RCOR1: variants seen among roughly 807,000 people sequenced by gnomAD.
RCOR1 encodes REST corepressor 1, also known as REST corepressor.
RCOR1 carries 12 observed loss-of-function variants against 64.0 expected under a neutral mutation model. That is an observed-to-expected ratio of 0.19 (90% CI 0.12 to 0.30). RCOR1 has a LOEUF of 0.30. Among genes scored for constraint, RCOR1 ranks in the 10% least tolerant of loss-of-function variants. RCOR1 has a pLI of 1.00. For missense variants in RCOR1, 502 were observed against 621.2 expected, an observed-to-expected ratio of 0.81 and a Z score of 2.04; for synonymous variants, 279 against 227.2, an observed-to-expected ratio of 1.23 and a Z score of -2.05.
chr14:102,600,407 T>G (rs114028600), intron 2 of RCOR1, among the ~76,000 whole-genome samples: 18,105 of 151,452 alleles, frequency 0.12, 1,260 homozygotes, highest in African/African-American at 0.18. Flanking sequence ...GTTTTATTTT[T>G]TATTGTATTT....
At chr14:102,708,643 A>T (rs1202869968) in intron 6 of RCOR1, 60 bp downstream of exon 6, 1 of 910,702 alleles carries the variant, frequency 1.1e-6, no homozygotes, top group Non-Finnish European at 1.8e-6. Flanking sequence ...AGCCCCAGAT[A>T]CACAAAGGCA....
intron 2 of RCOR1, chr14:102,655,348 G>A (rs530009120): frequency 1.0e-6 from 1 of 985,234 alleles, no homozygotes; most frequent in African/African-American, 1.7e-5. Context: ...ACTTTAGAAT[G>A]GCAGGAAGCT....
intron 2 of RCOR1, among the ~76,000 whole-genome samples, chr14:102,613,810 C>T (rs1363707191): frequency 6.6e-6 from 1 of 151,288 alleles, no homozygotes; most frequent in Admixed American, 6.6e-5. Context: ...TCTACCTTGG[C>T]CTCACAAAGT....
At chr14:102,662,889 A>C (rs1370947178) in intron 2 of RCOR1, among the ~76,000 whole-genome samples, 1 of 152,176 alleles carries the variant, frequency 6.6e-6, no homozygotes, top group Non-Finnish European at 1.5e-5. Context: ...CTTTTGGGAT[A>C]AATTGCTAGA....
intron 2 of RCOR1, among the ~76,000 whole-genome samples, chr14:102,654,714 GA>G (rs576453147): frequency 1.4e-5 from 2 of 141,350 alleles, no homozygotes; most frequent in Non-Finnish European, 3.1e-5. Context: ...AGAAAATAAA[GA>G]AAAAAATTTT....
chr14:102,660,455 C>A (rs189374653), intron 2 of RCOR1, among the ~76,000 whole-genome samples: 85 of 151,826 alleles, frequency 5.6e-4, no homozygotes, highest in African/African-American at 1.9e-3. Flanking sequence ...GATGTATGAT[C>A]ATGGCTTACT....
chr14:102,726,934 G>A lies in RCOR1; in HGVS notation c.*428G>A, dbSNP rs77691280. 1.7e-3 allele frequency: 282 copies of A among 169,058 alleles called. 3 individuals carry two copies. The highest frequency in any genetic ancestry group is 6.5e-3 in the African/African-American group (274 of 42,046). 10.5% of individuals were successfully genotyped at this position (169,058 alleles called of 1,614,324 possible). A position where few individuals can be genotyped will look rare whatever the true frequency, so the allele number is the denominator to read the frequency against. ...ATAGAGTCATTTTCAGAGTCACCGCGACCCTGTTGGCCTTCTAGAAAGTTT... is the reference window on the plus strand; with the variant it reads ...ATAGAGTCATTTTCAGAGTCACCGCAACCCTGTTGGCCTTCTAGAAAGTTT... On this transcript the variant is annotated 3_prime_UTR_variant, in exon 12 of 12. Coordinates refer to ENST00000262241, the MANE Select transcript of RCOR1 (RefSeq NM_015156.4).
At chr14:102,718,948 C>T (rs900892095) in intron 8 of RCOR1, among the ~76,000 whole-genome samples, 5 of 152,072 alleles carry the variant, frequency 3.3e-5, no homozygotes, top group Admixed American at 3.3e-4. Context: ...ACCACCACAC[C>T]TGGCTAATTT....
intron 11 of RCOR1, among the ~76,000 whole-genome samples, chr14:102,724,809 G>T (rs1048131836): frequency 1.6e-4 from 24 of 152,138 alleles, no homozygotes; most frequent in Admixed American, 1.4e-3. Context: ...TGTCTGTCTG[G>T]TGAGTCCACA....
chr14:102,704,456 G>A (rs1379342360), intron 4 of RCOR1, among the ~76,000 whole-genome samples: 1 of 152,024 alleles, frequency 6.6e-6, no homozygotes, highest in Admixed American at 6.5e-5. Context: ...TTTTGAGATG[G>A]AGTCTCACTC....
rs118092599 is a variant in RCOR1 at position 102,626,151 on chromosome 14, G to A, written c.361+32826G>A. Among the ~76,000 whole-genome samples the A allele has an allele frequency of 1.4e-3, 211 of 152,212 alleles. 1 individual carries two copies. Among genetic ancestry groups the A allele is most frequent in the Non-Finnish European group, 2.1e-3 (146 of 67,994 alleles). On this transcript the variant is annotated intron_variant, in intron 2 of 11. Coordinates refer to ENST00000262241, the MANE Select transcript of RCOR1 (RefSeq NM_015156.4). ...CATTGATTATACCACCTTTTCCCTTGATGTTTCTTACGCTTTTGTTCAGCT... is the reference window on the plus strand; with the variant it reads ...CATTGATTATACCACCTTTTCCCTTAATGTTTCTTACGCTTTTGTTCAGCT...
chr14:102,728,865 C>T lies in RCOR1; in HGVS notation c.*2359C>T, dbSNP rs182918812. The T allele has an allele frequency of 1.5e-4, 23 of 152,320 alleles. 1 individual carries two copies. The highest frequency in any genetic ancestry group is 3.6e-4 in the African/African-American group (15 of 41,520). The allele number at this position is 152,320 out of a possible 1,614,324, so 9.4% of individuals were successfully genotyped here. ...CTTGACTGCCTTTGTTGTGCTTTCC[C>T]GCGTAAGATAGCACTGTGTTTTAAA... On this transcript the variant is annotated 3_prime_UTR_variant, in exon 12 of 12. Transcript: ENST00000262241.
At chr14:102,635,862 AT>A (rs1170258567) in intron 2 of RCOR1, among the ~76,000 whole-genome samples, 1 of 152,126 alleles carries the variant, frequency 6.6e-6, no homozygotes. Flanking sequence ...AAGATCACTT[AT>A]GCCCAGCAAT....
At position 102,706,114 on chromosome 14, in the gene RCOR1, C is replaced by CAAAAAAAAAAAAAAAAAA. The variant is rs71119732; in HGVS notation, c.499-1226_499-1209dup. Among the ~76,000 whole-genome samples the CAAAAAAAAAAAAAAAAAA allele has an allele frequency of 5.6e-4, 12 of 21,334 alleles. 1 individual carries two copies. Among genetic ancestry groups the CAAAAAAAAAAAAAAAAAA allele is most frequent in the Non-Finnish European group, 7.5e-4 (10 of 13,340 alleles). 14.0% of individuals were successfully genotyped at this position (21,334 alleles called of 152,430 possible). Reference sequence around the variant, plus strand: ...GGGCAAGGAGAGTGAAACCCTGTCTCAAAAAAAAAAAAAAAAAAAAAAAAA... The same window carrying CAAAAAAAAAAAAAAAAAA: ...GGGCAAGGAGAGTGAAACCCTGTCTCAAAAAAAAAAAAAAAAAAAAAAAAAAAAAAAAAAAAAAAAAAA... On this transcript the variant is annotated intron_variant, in intron 4 of 11. Coordinates refer to ENST00000262241, the MANE Select transcript of RCOR1 (RefSeq NM_015156.4).
chr14:102,684,809 A>C (rs1448514165), intron 3 of RCOR1, among the ~76,000 whole-genome samples: 3 of 152,144 alleles, frequency 2.0e-5, no homozygotes, highest in African/African-American at 7.2e-5. Flanking sequence ...CATCGGACCT[A>C]AGCAGTTTCC....
intron 3 of RCOR1, among the ~76,000 whole-genome samples, chr14:102,683,987 T>C (rs1194760734): frequency 6.6e-6 from 1 of 152,208 alleles, no homozygotes; most frequent in Non-Finnish European, 1.5e-5. Flanking sequence ...AGCAGCCCTC[T>C]CCGCCCCAGC....
chr14:102,725,918 A>G (rs1390578350), intron 11 of RCOR1, among the ~76,000 whole-genome samples: 1 of 152,168 alleles, frequency 6.6e-6, no homozygotes, highest in Non-Finnish European at 1.5e-5. Flanking sequence ...TATTATCACT[A>G]TGTGTCTTCT....
intron 2 of RCOR1, among the ~76,000 whole-genome samples, chr14:102,679,986 A>T (rs1895270534): frequency 6.6e-6 from 1 of 152,210 alleles, no homozygotes. Flanking sequence ...GTTGCATTGA[A>T]TCTTTAGAGC....
Position 102,707,412 on chromosome 14 carries a change from A to T in RCOR1, c.560A>T (p.Asn187Ile). 1 of 1,613,786 alleles carries T rather than the reference A, an allele frequency of 6.2e-7. No individual in the cohort carries two copies. Among genetic ancestry groups the T allele is most frequent in the Non-Finnish European group, 8.5e-7 (1 of 1,179,872 alleles). Reference sequence around the variant, plus strand: ...GAAAAGTCATTGGCTGATTTGCCCAACTTTACCCCTTTCCCAGATGAGTGG... The same window carrying T: ...GAAAAGTCATTGGCTGATTTGCCCATCTTTACCCCTTTCCCAGATGAGTGG... ...NIEKSLADLP[N>I]FTPFPDEWTV... The change falls in exon 5 of 12, where the codon AAC becomes ATC. Residue 187 changes from asparagine to isoleucine, a missense_variant. By Grantham distance (149) the Asn-to-Ile change is moderately radical. Coordinates refer to ENST00000262241, the MANE Select transcript of RCOR1 (RefSeq NM_015156.4).
Sources: gnomAD v4.1 joint callset for allele counts (sites outside exome capture counted in the v4.1 genomes callset) on GRCh38, gnomAD v4.1.1 for gene constraint, MANE v1.5 for transcripts, NCBI Gene and HGNC (gene_info 2026-07-23, HGNC 2026-07-21) for gene names.